AP2B1: variants seen among roughly 807,000 people sequenced by gnomAD.
AP2B1 encodes the protein adaptor related protein complex 2 subunit beta 1.
Under a neutral mutation model 102.0 loss-of-function variants are expected in AP2B1, and 23 were observed. The ratio of observed to expected loss-of-function variants is 0.23; its 90% CI spans 0.16 to 0.32. AP2B1 has a LOEUF of 0.32. Among genes scored for constraint, AP2B1 ranks in the 10% least tolerant of loss-of-function variants. The pLI, the probability that AP2B1 is intolerant of heterozygous loss-of-function variation, is 1.00. For missense variants in AP2B1, 541 were observed against 1,157.4 expected (o/e 0.47, Z 7.73); for synonymous variants, 381 against 421.2 (o/e 0.90, Z 1.17).
intron 10 of AP2B1, among the ~76,000 whole-genome samples, chr17:35,639,154 C>A (rs1032854742): frequency 6.6e-6 from 1 of 152,052 alleles, no homozygotes; most frequent in African/African-American, 2.4e-5. Context: ...CATAGCAAGA[C>A]CCCCATCTCT....
intron 14 of AP2B1, among the ~76,000 whole-genome samples, chr17:35,658,602 T>C (rs2075288726): frequency 6.6e-6 from 1 of 152,168 alleles, no homozygotes; most frequent in Admixed American, 6.5e-5. Context: ...TGTGGTGGAA[T>C]TAGAGAGGCT....
chr17:35,637,872 A>G (rs2074655004), intron 10 of AP2B1, among the ~76,000 whole-genome samples: 1 of 151,924 alleles, frequency 6.6e-6, no homozygotes, highest in Non-Finnish European at 1.5e-5. Context: ...TTTAGTAGAG[A>G]CAGGGTTTCA....
In AP2B1 at chr17:35,626,610, T is replaced by C. The variant is rs755078077; in HGVS notation, c.717-11T>C. On this transcript the variant is annotated splice_polypyrimidine_tract_variant and intron_variant, in intron 6 of 21. Coordinates refer to ENST00000610402, the MANE Select transcript of AP2B1 (RefSeq NM_001030006.2). Reference sequence around the variant, plus strand: ...TAATTCATGATATTAATTTTCATTCTCCACCCTCAGCATCTGTGAGCGGGT... The same window carrying C: ...TAATTCATGATATTAATTTTCATTCCCCACCCTCAGCATCTGTGAGCGGGT... 2.0e-5 allele frequency: 31 copies of C among 1,582,766 alleles called. No homozygotes were observed. Among genetic ancestry groups the C allele is most frequent in the Non-Finnish European group, 2.6e-5 (30 of 1,153,590 alleles).
At chr17:35,617,976 T>C (rs2142499040) in intron 5 of AP2B1, among the ~76,000 whole-genome samples, 1 of 151,770 alleles carries the variant, frequency 6.6e-6, no homozygotes, top group South Asian at 2.1e-4. Context: ...ATTTTATTTT[T>C]TGTAAACCTT....
At chr17:35,647,909 T>C (rs2074980466) in intron 12 of AP2B1, among the ~76,000 whole-genome samples, 1 of 151,488 alleles carries the variant, frequency 6.6e-6, no homozygotes, top group South Asian at 2.1e-4. Flanking sequence ...TTTTTTCTTT[T>C]GAGACAGAGT....
chr17:35,613,116 C>T (rs1477039945), intron 5 of AP2B1, among the ~76,000 whole-genome samples: 1 of 150,914 alleles, frequency 6.6e-6, no homozygotes, highest in African/African-American at 2.4e-5. Flanking sequence ...TTTTCAGAGG[C>T]TACTCCACAT....
intron 9 of AP2B1, among the ~76,000 whole-genome samples, chr17:35,631,460 A>T (rs1489906797): frequency 6.6e-6 from 1 of 152,048 alleles, no homozygotes; most frequent in Non-Finnish European, 1.5e-5. Context: ...GGTAGACATC[A>T]TTTTATATCA....
chr17:35,657,796 G>A lies in AP2B1; in HGVS notation c.1989+5G>A, dbSNP rs1302567019. ...GGAGGAGGACTAGATAGTCTGGTAA[G>A]CATCTTTCTTCCCTTGTTCTTTTGG... On this transcript the variant is annotated splice_donor_5th_base_variant and intron_variant, in intron 14 of 21. Transcript: ENST00000610402. 1.2e-6 allele frequency: 2 copies of A among 1,606,888 alleles called. No individual in the cohort carries two copies. Among genetic ancestry groups the A allele is most frequent in the African/African-American group, 2.7e-5 (2 of 74,678 alleles).
intron 13 of AP2B1, among the ~76,000 whole-genome samples, chr17:35,653,148 A>G (rs893023300): frequency 6.6e-6 from 1 of 152,204 alleles, no homozygotes; most frequent in Admixed American, 6.5e-5. Flanking sequence ...CCCTTAGGGA[A>G]ATTACCCACT....
intron 18 of AP2B1, among the ~76,000 whole-genome samples, chr17:35,697,955 G>A (rs906769103): frequency 2.0e-4 from 31 of 152,256 alleles, no homozygotes; most frequent in East Asian, 3.9e-4. Context: ...GCAAGACTCC[G>A]TCTCAAAAGC....
At chr17:35,634,911 T>C (rs1003820566) in intron 9 of AP2B1, among the ~76,000 whole-genome samples, 1 of 152,236 alleles carries the variant, frequency 6.6e-6, no homozygotes, top group Non-Finnish European at 1.5e-5. Flanking sequence ...TCTTATTCTT[T>C]CCTCCTACGA....
intron 18 of AP2B1, among the ~76,000 whole-genome samples, chr17:35,683,683 C>T (rs1441437802): frequency 6.6e-6 from 1 of 152,182 alleles, no homozygotes; most frequent in African/African-American, 2.4e-5. Context: ...GGGCTTCAGG[C>T]AACATGAAGG....
chr17:35,709,918 T>G (rs1017775604), intron 19 of AP2B1, among the ~76,000 whole-genome samples: 5 of 152,162 alleles, frequency 3.3e-5, no homozygotes, highest in African/African-American at 1.2e-4. Context: ...GCTCTTGGAG[T>G]AGGCAGGACA....
chr17:35,680,700 G>GTTTTTTTTTTT (rs1176447688), intron 17 of AP2B1, among the ~76,000 whole-genome samples: 2 of 128,922 alleles, frequency 1.6e-5, no homozygotes, highest in African/African-American at 2.9e-5. Flanking sequence ...TTTTTTTTTT[G>GTTTTTTTTTTT]TTTTTTTTTT....
intron 18 of AP2B1, among the ~76,000 whole-genome samples, chr17:35,694,053 CT>C (rs1338784581): frequency 6.6e-6 from 1 of 152,280 alleles, no homozygotes; most frequent in African/African-American, 2.4e-5. Context: ...AGTTTTACCC[CT>C]GGATTGAAAA....
chr17:35,704,680 T>C lies in AP2B1; in HGVS notation c.2455-4544T>C, dbSNP rs182870958. On this transcript the variant is annotated intron_variant, in intron 18 of 21. Transcript: ENST00000610402. ...GTTAATCTTGAACTGAACCTTAAGG[T>C]TAAATAGGTATTTTCCAGACAGTGC... 2.1e-4 allele frequency among the ~76,000 whole-genome samples: 32 copies of C among 152,056 alleles called. No homozygotes were observed. In the East Asian group the frequency reaches 3.9e-3, roughly 18 times the overall value.
At chr17:35,661,483 C>G (rs928171188) in intron 14 of AP2B1, among the ~76,000 whole-genome samples, 1 of 152,196 alleles carries the variant, frequency 6.6e-6, no homozygotes, top group African/African-American at 2.4e-5. Context: ...TTTGGCACCT[C>G]CTACAAAAAC....
intron 17 of AP2B1, 96 bp from the exon 18 acceptor site, chr17:35,682,599 C>T (rs2075847967): frequency 1.5e-6 from 2 of 1,310,646 alleles, no homozygotes; most frequent in African/African-American, 1.5e-5. Context: ...CCACCTCAGC[C>T]TCCCAAAATG....
At chr17:35,644,207 T>A (rs182364003) in intron 12 of AP2B1, among the ~76,000 whole-genome samples, 96 of 152,358 alleles carry the variant, frequency 6.3e-4, no homozygotes, top group Non-Finnish European at 7.8e-4. Context: ...GCCCATGGTC[T>A]TGTCCACTGT....
Sources: gnomAD v4.1 joint callset for allele counts (sites outside exome capture counted in the v4.1 genomes callset) on GRCh38, gnomAD v4.1.1 for gene constraint, MANE v1.5 for transcripts, NCBI Gene and HGNC (gene_info 2026-07-23, HGNC 2026-07-21) for gene names.